The following ACACB variants were observed in gnomAD, a reference collection of about 807,000 sequenced individuals.
ACACB encodes acetyl-CoA carboxylase beta.
Under a neutral mutation model 278.8 loss-of-function variants are expected in ACACB, and 209 were observed. That is an observed-to-expected ratio of 0.75 (90% confidence interval 0.67 to 0.84). ACACB has a LOEUF of 0.84. ACACB is among the 40% of genes least tolerant of loss of function. ACACB has a pLI of 0.00. For synonymous variants in ACACB, 1,174 were observed against 1,285.6 expected (o/e 0.91, Z 1.86); for missense variants, 2,850 against 3,269.0 (o/e 0.87, Z 3.13).
In ACACB at chr12:109,260,603, T is replaced by C; in HGVS notation, c.6620T>C (p.Ile2207Thr). Residue 2207 changes from isoleucine (I) to threonine (T), a missense_variant, in exon 48 of 53, where the codon ATA becomes ACA. Physicochemically the swap from Ile to Thr is moderately conservative, Grantham distance 89. Coordinates refer to ENST00000338432, the MANE Select transcript of ACACB (RefSeq NM_001093.4). The part of the protein sequence containing the change: ...AELRGGSWVV[I>T]DATINPLCIE... Reference sequence around the variant, plus strand: ...CTCCGGGGAGGCTCCTGGGTGGTCATAGATGCCACCATCAACCCGCTGTGC... The same window carrying C: ...CTCCGGGGAGGCTCCTGGGTGGTCACAGATGCCACCATCAACCCGCTGTGC... The C allele has an allele frequency of 1.2e-6, 2 of 1,610,278 alleles. No homozygotes were observed. The highest frequency in any genetic ancestry group is 1.3e-5 in the African/African-American group (1 of 74,762).
At chr12:109,232,401 C>T (rs898964910) in intron 28 of ACACB, among the ~76,000 whole-genome samples, 1 of 152,154 alleles carries the variant, frequency 6.6e-6, no homozygotes, top group Admixed American at 6.5e-5. Context: ...GGGCTCCCCT[C>T]GGGACTGTGT....
chr12:109,162,548 A>C (rs1281598808), intron 2 of ACACB, among the ~76,000 whole-genome samples: 1 of 152,150 alleles, frequency 6.6e-6, no homozygotes, highest in Non-Finnish European at 1.5e-5. Context: ...AACAGAAGGC[A>C]GCAGTTCAAA....
intron 1 of ACACB, among the ~76,000 whole-genome samples, chr12:109,124,468 G>T (rs772466698): frequency 3.9e-5 from 6 of 152,132 alleles, no homozygotes; most frequent in Non-Finnish European, 5.9e-5. Flanking sequence ...GTTTTCTCTT[G>T]CATCACGTCA....
intron 28 of ACACB, among the ~76,000 whole-genome samples, chr12:109,229,014 C>T (rs2046396604): frequency 6.6e-6 from 1 of 151,776 alleles, no homozygotes; most frequent in Admixed American, 6.6e-5. Flanking sequence ...GCTGGAGTGC[C>T]AGTGGCACAA....
At chr12:109,188,860 G>C (rs929789804) in intron 13 of ACACB, among the ~76,000 whole-genome samples, 23 of 152,136 alleles carry the variant, frequency 1.5e-4, no homozygotes, top group African/African-American at 5.3e-4. Context: ...CTGAAGAAAG[G>C]GGGAGGGAAA....
chr12:109,135,297 T>C (rs2042938234), intron 1 of ACACB, among the ~76,000 whole-genome samples: 1 of 152,200 alleles, frequency 6.6e-6, no homozygotes, highest in Non-Finnish European at 1.5e-5. Flanking sequence ...TCTTTTCATC[T>C]ATTTATTGAC....
intron 22 of ACACB, among the ~76,000 whole-genome samples, chr12:109,213,861 A>C (rs1314982588): frequency 6.6e-6 from 1 of 151,990 alleles, no homozygotes; most frequent in African/African-American, 2.4e-5. Flanking sequence ...CGGCCTCCCA[A>C]AGTGCTGGGA....
chr12:109,185,496 G>C, intron 11 of ACACB, 83 bp from the exon 12 acceptor site: 1 of 1,472,404 alleles, frequency 6.8e-7, no homozygotes, highest in South Asian at 1.2e-5. Flanking sequence ...CTGAACCTCC[G>C]TTGCATCTAC....
In ACACB at chr12:109,139,541, G is replaced by A. The variant is rs1319943340; in HGVS notation, c.136G>A (p.Glu46Lys). 4 of 1,613,880 alleles carry A rather than the reference G, an allele frequency of 2.5e-6. No individual in the cohort carries two copies. Among genetic ancestry groups the A allele is most frequent in the African/African-American group, 1.3e-5 (1 of 74,834 alleles). ...AGAAGCAAACCTCATCCCGAGCCAGGAGCCCTTTCCAGCCTCTGATAACTC... is the reference window on the plus strand; with the variant it reads ...AGAAGCAAACCTCATCCCGAGCCAGAAGCCCTTTCCAGCCTCTGATAACTC... The part of the protein sequence containing the change: ...KSEANLIPSQ[E>K]PFPASDNSGE... The change falls in exon 2 of 53, where the codon GAG becomes AAG. Residue 46 changes from glutamate (E) to lysine (K), a missense_variant. Physicochemically the swap from Glu to Lys is moderately conservative, Grantham distance 56 (BLOSUM62 1). This residue lies in a region of ACACB where 2,265 missense variants were observed against 2,561.3 expected (regional missense o/e 0.88). Coordinates refer to ENST00000338432, the MANE Select transcript of ACACB (RefSeq NM_001093.4).
At chr12:109,238,061 T>C (rs868035953) in intron 34 of ACACB, among the ~76,000 whole-genome samples, 6 of 149,232 alleles carry the variant, frequency 4.0e-5, no homozygotes, top group African/African-American at 1.2e-4. Context: ...CATGATTATA[T>C]TGTGAAAATT....
intron 1 of ACACB, among the ~76,000 whole-genome samples, chr12:109,124,596 G>T (rs1418522947): frequency 2.6e-5 from 4 of 152,212 alleles, no homozygotes; most frequent in Admixed American, 6.5e-5. Flanking sequence ...TGACTTTACT[G>T]CCTGCTGATG....
At position 109,212,899 on chromosome 12, in the gene ACACB, T is replaced by C. The variant is rs768562087; in HGVS notation, c.3313T>C (p.Phe1105Leu). ...LQRKADREVFFINTQSIVQLV... is the reference protein window; with the variant it reads ...LQRKADREVFLINTQSIVQLV... Reference sequence around the variant, plus strand: ...GCGGAAGGCTGATCGAGAGGTCTTCTTCATCAACACCCAGAGCATCGTGCA... The same window carrying C: ...GCGGAAGGCTGATCGAGAGGTCTTCCTCATCAACACCCAGAGCATCGTGCA... Residue 1105 changes from phenylalanine (F) to leucine (L), a missense_variant, in exon 22 of 53, where the codon TTC (phenylalanine) becomes CTC (leucine). By Grantham distance (22) the Phe-to-Leu change is conservative. Coordinates refer to ENST00000338432, the MANE Select transcript of ACACB (RefSeq NM_001093.4). 5 of 1,614,090 alleles carry C rather than the reference T, an allele frequency of 3.1e-6. No individual in the cohort carries two copies. Among genetic ancestry groups the C allele is most frequent in the Admixed American group, 1.7e-5 (1 of 60,014 alleles).
At chr12:109,129,182 G>A (rs998675818) in intron 1 of ACACB, among the ~76,000 whole-genome samples, 8 of 152,296 alleles carry the variant, frequency 5.3e-5, no homozygotes, top group Non-Finnish European at 8.8e-5. Flanking sequence ...GGTAGTGACC[G>A]TGACCATCAC....
chr12:109,158,066 C>G lies in ACACB; in HGVS notation c.654-8795C>G, dbSNP rs568616889. Among the ~76,000 whole-genome samples the G allele has an allele frequency of 2.5e-3, 387 of 152,240 alleles. 2 individuals are homozygous for G. Among genetic ancestry groups the G allele is most frequent in the African/African-American group, 8.3e-3 (346 of 41,540 alleles). On this transcript the variant is annotated intron_variant, in intron 2 of 52. Transcript: ENST00000338432. The stretch of plus-strand genomic sequence containing the variant: ...GATGCCGGGGACCCCACCTCTACCC[C>G]CTAGACATGCTGATGGGACCCCGAC...
chr12:109,182,711 T>G (rs1275006477), intron 11 of ACACB, among the ~76,000 whole-genome samples: 1 of 152,178 alleles, frequency 6.6e-6, no homozygotes, highest in Non-Finnish European at 1.5e-5. Flanking sequence ...CCTCGTCAGG[T>G]GGCTAGTTTA....
chr12:109,160,063 C>A (rs2043674178), intron 2 of ACACB, among the ~76,000 whole-genome samples: 1 of 149,694 alleles, frequency 6.7e-6, no homozygotes, highest in Non-Finnish European at 1.5e-5. Flanking sequence ...TCACTCCAGC[C>A]TGGGTGACAG....
intron 21 of ACACB, among the ~76,000 whole-genome samples, chr12:109,210,442 CATGTGTATATATGTATATAT>C (rs1439542766): frequency 4.2e-5 from 5 of 119,434 alleles, no homozygotes; most frequent in African/African-American, 1.8e-4. Flanking sequence ...CACGCACATA[CATGTGTATATATGTATATAT>C]ACGCACATAC....
rs1353111195 is a variant in ACACB at position 109,223,878 on chromosome 12, A to G, written c.3856A>G (p.Lys1286Glu). ...GCCTACTTTCTTCTATCACGCAAACAAAGTCGTGTGCATGGCGTCCTTGGA... is the reference window on the plus strand; with the variant it reads ...GCCTACTTTCTTCTATCACGCAAACGAAGTCGTGTGCATGGCGTCCTTGGA... ...VLPTFFYHAN[K>E]VVCMASLEVY... is the part of the protein sequence containing the mutation. Residue 1286 changes from lysine (K) to glutamate (E), a missense_variant, in exon 27 of 53, where the codon AAA becomes GAA. Around this residue, in one of 3 missense-constraint regions of ACACB, gnomAD observed 2,265 missense variants for 2,561.3 expected, o/e 0.88. Transcript: ENST00000338432. The G allele has an allele frequency of 6.2e-7, 1 of 1,614,016 alleles. No individual in the cohort carries two copies. Among genetic ancestry groups the G allele is most frequent in the African/African-American group, 1.3e-5 (1 of 74,922 alleles).
At chr12:109,111,974 C>G (rs2042303895), upstream of ACACB, among the ~76,000 whole-genome samples, 1 of 151,772 alleles carries the variant, frequency 6.6e-6, no homozygotes, top group African/African-American at 2.4e-5. Flanking sequence ...TGGGATCTTC[C>G]TCTAAACAAC....
Sources: allele counts gnomAD v4.1 joint callset (sites outside exome capture counted in the v4.1 genomes callset), GRCh38; gene constraint gnomAD v4.1.1; regional missense constraint gnomAD v4.1.1; transcripts MANE v1.5; gene names NCBI Gene and HGNC (gene_info 2026-07-23, HGNC 2026-07-21).